SPOCK3: variants seen among roughly 807,000 people sequenced by gnomAD.
SPOCK3 encodes the protein SPARC (osteonectin), cwcv and kazal like domains proteoglycan 3.
SPOCK3 carries 30 observed loss-of-function variants against 56.6 expected under a neutral mutation model. That is an observed-to-expected ratio of 0.53 (90% CI 0.40 to 0.72). SPOCK3 has a LOEUF of 0.72. Among genes scored for constraint, SPOCK3 ranks in the 30% least tolerant of loss-of-function variants. SPOCK3 has a pLI of 0.00. For missense variants in SPOCK3, 527 were observed against 530.0 expected (o/e 0.99, Z 0.06); for synonymous variants, 196 against 183.3 (o/e 1.07, Z -0.56).
intron 2 of SPOCK3, among the ~76,000 whole-genome samples, chr4:167,116,654 A>ATATAC (rs762573936): frequency 0.12 from 9,381 of 79,486 alleles, 682 homozygotes; most frequent in Admixed American, 0.26. Flanking sequence ...ATATATACAC[A>ATATAC]TATATACGTA....
chr4:166,900,339 C>A lies in SPOCK3; in HGVS notation c.475-11095G>T, dbSNP rs573854169. Among the ~76,000 whole-genome samples the A allele has an allele frequency of 2.4e-4, 37 of 152,184 alleles. 1 individual carries two copies. In the South Asian group the frequency reaches 6.2e-3, roughly 26 times the overall value. On this transcript the variant is annotated intron_variant, in intron 5 of 10. Coordinates refer to ENST00000357545, the MANE Select transcript of SPOCK3 (RefSeq NM_001040159.2). ...CCCACAAGAATCTGATATTGTTGGG[C>A]ATTGGGATTGGCTCTTAAAAAATAA...
At chr4:166,921,217 A>G (rs1738443204) in intron 4 of SPOCK3, among the ~76,000 whole-genome samples, 1 of 152,212 alleles carries the variant, frequency 6.6e-6, no homozygotes, top group Non-Finnish European at 1.5e-5. Context: ...TTAACAAGTA[A>G]TTAATAAAAT....
chr4:167,211,960 A>C (rs946384156), intron 2 of SPOCK3, among the ~76,000 whole-genome samples: 2 of 152,224 alleles, frequency 1.3e-5, no homozygotes, highest in African/African-American at 2.4e-5. Flanking sequence ...CAAATTGTTC[A>C]AATTGCTATA....
chr4:167,231,131 A>G (rs924437933), intron 2 of SPOCK3, among the ~76,000 whole-genome samples: 4 of 152,084 alleles, frequency 2.6e-5, no homozygotes, highest in African/African-American at 9.7e-5. Flanking sequence ...ACATACGTAT[A>G]TTACAAATAT....
intron 2 of SPOCK3, among the ~76,000 whole-genome samples, chr4:167,067,779 T>C (rs1482215131): frequency 6.6e-6 from 1 of 151,844 alleles, no homozygotes; most frequent in African/African-American, 2.4e-5. Flanking sequence ...AGTAATAGCA[T>C]CAATGCTATA....
chr4:166,851,654 C>T (rs903170316), intron 6 of SPOCK3, among the ~76,000 whole-genome samples: 7 of 152,124 alleles, frequency 4.6e-5, no homozygotes, highest in Admixed American at 1.3e-4. Flanking sequence ...ACAACAGGTG[C>T]TGGAGAGGAT....
intron 3 of SPOCK3, among the ~76,000 whole-genome samples, chr4:167,057,194 T>C (rs201061349): frequency 1.3e-5 from 2 of 149,908 alleles, no homozygotes; most frequent in Admixed American, 1.3e-4. Context: ...CTAAGCTTCA[T>C]AAGTGAAGGA....
intron 2 of SPOCK3, among the ~76,000 whole-genome samples, chr4:167,105,030 A>G (rs1192911330): frequency 2.0e-5 from 3 of 152,110 alleles, no homozygotes; most frequent in Admixed American, 6.6e-5. Context: ...TCAAATATGA[A>G]AGAGAAATAA....
chr4:166,953,248 A>C (rs1190864805), intron 4 of SPOCK3, among the ~76,000 whole-genome samples: 3 of 152,108 alleles, frequency 2.0e-5, no homozygotes, highest in Non-Finnish European at 4.4e-5. Flanking sequence ...GAAAAAAACA[A>C]ACAACCCCAT....
intron 6 of SPOCK3, among the ~76,000 whole-genome samples, chr4:166,850,806 C>CGG (rs2126870704): frequency 6.6e-6 from 1 of 152,340 alleles, no homozygotes; most frequent in South Asian, 2.1e-4. Context: ...GCACCTGGCT[C>CGG]GGAGGGTCCT....
At chr4:167,171,254 A>C (rs1295869967) in intron 2 of SPOCK3, among the ~76,000 whole-genome samples, 1 of 152,184 alleles carries the variant, frequency 6.6e-6, no homozygotes, top group Non-Finnish European at 1.5e-5. Flanking sequence ...AAAGGTGTAG[A>C]ATGTGCACAG....
chr4:166,763,268 A>G (rs953749856), intron 7 of SPOCK3, among the ~76,000 whole-genome samples: 16 of 152,114 alleles, frequency 1.1e-4, no homozygotes, highest in African/African-American at 3.4e-4. Context: ...AAATTTCTAA[A>G]GTACTCAAAC....
chr4:166,843,756 G>A (rs566923690), intron 6 of SPOCK3, among the ~76,000 whole-genome samples: 1 of 152,152 alleles, frequency 6.6e-6, no homozygotes, highest in Non-Finnish European at 1.5e-5. Flanking sequence ...GTCGTAATTT[G>A]TTATGCAATA....
At chr4:166,797,233 C>CTTTTTTTTTTTTTTTTTTTTTTTTTT (rs1028695610) in intron 6 of SPOCK3, among the ~76,000 whole-genome samples, 3 of 80,750 alleles carry the variant, frequency 3.7e-5, no homozygotes, top group East Asian at 8.4e-4. Context: ...TTCCACCTTT[C>CTTTTTTTTTTTTTTTTTTTTTTTTTT]TTTTTTTTTT....
intron 2 of SPOCK3, among the ~76,000 whole-genome samples, chr4:167,209,369 G>A (rs1165333626): frequency 6.6e-6 from 1 of 151,950 alleles, no homozygotes; most frequent in East Asian, 1.9e-4. Flanking sequence ...ACTAGTACTA[G>A]AATGGAACAA....
intron 2 of SPOCK3, among the ~76,000 whole-genome samples, chr4:167,201,818 C>T (rs556520227): frequency 6.6e-6 from 1 of 151,796 alleles, no homozygotes; most frequent in South Asian, 2.1e-4. Flanking sequence ...TCTAAGGATC[C>T]TAACTAAAGA....
intron 6 of SPOCK3, among the ~76,000 whole-genome samples, chr4:166,887,944 A>G (rs1302413053): frequency 6.6e-6 from 1 of 151,830 alleles, no homozygotes; most frequent in Non-Finnish European, 1.5e-5. Flanking sequence ...CACAGGATCT[A>G]ATGATTGAGC....
intron 6 of SPOCK3, chr4:166,883,197 T>C (rs1391612797): frequency 6.6e-6 from 1 of 152,202 alleles, no homozygotes; most frequent in African/African-American, 2.4e-5. Context: ...CTTAAATCAG[T>C]TAACTTATAA....
At chr4:166,991,341 TTATA>T (rs1457239888) in intron 4 of SPOCK3, among the ~76,000 whole-genome samples, 8 of 89,528 alleles carry the variant, frequency 8.9e-5, no homozygotes, top group African/African-American at 2.8e-4. Flanking sequence ...CTTTTTGTTT[TTATA>T]TTTATTTATT....
Sources: allele counts gnomAD v4.1 joint callset (sites outside exome capture counted in the v4.1 genomes callset), GRCh38; gene constraint gnomAD v4.1.1; transcripts MANE v1.5; gene names NCBI Gene and HGNC (gene_info 2026-07-23, HGNC 2026-07-21).